The following SH3RF3 variants were observed in gnomAD, a reference collection of about 807,000 sequenced individuals.
The protein encoded by SH3RF3 is SH3 domain containing ring finger 3.
A neutral mutation model predicts 66.3 loss-of-function variants in SH3RF3; 29 were observed. The observed-to-expected ratio is 0.44, with a 90% CI of 0.33 to 0.60. The LOEUF is 0.60. Among genes scored for constraint, SH3RF3 ranks in the 20% least tolerant of loss-of-function variants. The pLI is 0.04. For synonymous variants in SH3RF3, 583 were observed against 532.0 expected (o/e 1.10, Z -1.32); for missense variants, 1,194 against 1,190.9 (o/e 1.00, Z -0.04).
rs1677089240 is a variant in SH3RF3, at chr2:109,146,070, G to C, written c.573+15957G>C. ...GGCCGAGGGAGTCCATGCAGGAAAA[G>C]TGCTGAGAGAGGTACCAGCTGAACA... On this transcript the variant is annotated intron_variant, in intron 1 of 9. Transcript: ENST00000309415. Among the ~76,000 whole-genome samples, 4 of 152,302 alleles carry C rather than the reference G, an allele frequency of 2.6e-5. No individual in the cohort carries two copies. The South Asian group carries it at 8.3e-4, about 32-fold the overall frequency.
At chr2:109,141,375 G>A (rs113835551) in intron 1 of SH3RF3, 1 of 152,662 alleles carries the variant, frequency 6.6e-6, no homozygotes, top group Non-Finnish European at 1.5e-5. Flanking sequence ...AACTTGCTCA[G>A]TGATGAGTGG....
At chr2:109,362,489 T>G (rs1404341913) in intron 2 of SH3RF3, among the ~76,000 whole-genome samples, 1 of 152,186 alleles carries the variant, frequency 6.6e-6, no homozygotes, top group Non-Finnish European at 1.5e-5. Context: ...CAGAATATGG[T>G]CTGTCCTGGT....
chr2:109,209,475 A>G (rs1678917245), intron 1 of SH3RF3, among the ~76,000 whole-genome samples: 1 of 152,168 alleles, frequency 6.6e-6, no homozygotes, highest in African/African-American at 2.4e-5. Context: ...GAGAGCTGCA[A>G]ACACTCCTGA....
At chr2:109,185,784 C>T (rs563241531) in intron 1 of SH3RF3, among the ~76,000 whole-genome samples, 3 of 152,324 alleles carry the variant, frequency 2.0e-5, no homozygotes, top group African/African-American at 4.8e-5. Context: ...TAACTTGGCA[C>T]ACTAATACTT....
chr2:109,477,639 T>G (rs1573284948), intron 8 of SH3RF3, among the ~76,000 whole-genome samples: 1 of 150,942 alleles, frequency 6.6e-6, no homozygotes, highest in East Asian at 1.9e-4. Flanking sequence ...TGTGTGTGTG[T>G]GTGTTGGTGA....
intron 1 of SH3RF3, among the ~76,000 whole-genome samples, chr2:109,230,185 T>A (rs1679472033): frequency 6.6e-6 from 1 of 152,192 alleles, no homozygotes; most frequent in African/African-American, 2.4e-5. Context: ...TATATATTGT[T>A]TATCCATTCA....
intron 1 of SH3RF3, among the ~76,000 whole-genome samples, chr2:109,241,300 C>T (rs1474067512): frequency 6.6e-6 from 1 of 151,894 alleles, no homozygotes; most frequent in East Asian, 1.9e-4. Context: ...TAGTAATGGC[C>T]ATTATAAAAG....
At position 109,419,589 on chromosome 2, in the gene SH3RF3, C is replaced by T. The variant is rs554845970; in HGVS notation, c.1350C>T (p.Ala450=). 3.1e-6 allele frequency: 5 copies of T among 1,597,882 alleles called. No homozygotes were observed. Among genetic ancestry groups the T allele is most frequent in the Admixed American group, 1.7e-5 (1 of 57,864 alleles). ...GSTPTAVPRA[A]SVSGEQGTPP... is the part of the protein sequence containing the mutation. ...CCCCCACGGCTGTCCCACGGGCTGC[C>T]TCGGTGTCTGGAGAGCAGGGCACGC... is the stretch of plus-strand genomic sequence containing the variant. Residue 450 remains alanine, a synonymous_variant, in exon 5 of 10, where the codon GCC becomes GCT. Coordinates refer to ENST00000309415, the MANE Select transcript of SH3RF3 (RefSeq NM_001099289.3).
At chr2:109,188,468 C>T (rs1285376537) in intron 1 of SH3RF3, among the ~76,000 whole-genome samples, 1 of 152,212 alleles carries the variant, frequency 6.6e-6, no homozygotes, top group Non-Finnish European at 1.5e-5. Flanking sequence ...CGCATTGTTT[C>T]CCCCTGGGGT....
intron 1 of SH3RF3, among the ~76,000 whole-genome samples, chr2:109,219,965 C>T (rs1337984176): frequency 6.6e-6 from 1 of 152,120 alleles, no homozygotes; most frequent in Non-Finnish European, 1.5e-5. Context: ...CCCCAAATAA[C>T]CAAAACAATC....
intron 1 of SH3RF3, among the ~76,000 whole-genome samples, chr2:109,322,175 G>T (rs1317639219): frequency 3.3e-5 from 5 of 152,148 alleles, no homozygotes; most frequent in Non-Finnish European, 7.4e-5. Context: ...GGATACACAG[G>T]AGACTCAGCG....
At chr2:109,375,758 A>G (rs1574606241) in intron 3 of SH3RF3, among the ~76,000 whole-genome samples, 1 of 152,340 alleles carries the variant, frequency 6.6e-6, no homozygotes, top group Non-Finnish European at 1.5e-5. Context: ...CTTTCTGCAC[A>G]GGGTCCAAGT....
chr2:109,422,926 A>C lies in SH3RF3; in HGVS notation c.1403+3284A>C, dbSNP rs562341359. Among the ~76,000 whole-genome samples, 37 of 152,070 alleles carry C rather than the reference A, an allele frequency of 2.4e-4. No homozygotes were observed. The South Asian group carries it at 7.7e-3, about 32-fold the overall frequency. On this transcript the variant is annotated intron_variant, in intron 5 of 9. Coordinates refer to ENST00000309415, the MANE Select transcript of SH3RF3 (RefSeq NM_001099289.3). The stretch of plus-strand genomic sequence containing the variant: ...CCTACAGCAATGGAGGAGGTGGAGG[A>C]GGAGGACGAAACAGGCATCAGACCG...
At chr2:109,409,845 G>A (rs1473904077) in intron 4 of SH3RF3, among the ~76,000 whole-genome samples, 3 of 152,094 alleles carry the variant, frequency 2.0e-5, no homozygotes, top group East Asian at 3.9e-4. Flanking sequence ...TTTACACCCC[G>A]TGTAATGGAG....
chr2:109,420,692 G>A (rs987720380), intron 5 of SH3RF3, among the ~76,000 whole-genome samples: 7 of 152,106 alleles, frequency 4.6e-5, no homozygotes, highest in South Asian at 2.1e-4. Context: ...TGATCCGCCC[G>A]CCTTGGCCTC....
intron 1 of SH3RF3, among the ~76,000 whole-genome samples, chr2:109,235,684 C>T (rs1333070097): frequency 6.6e-6 from 1 of 152,158 alleles, no homozygotes; most frequent in African/African-American, 2.4e-5. Flanking sequence ...TACGTGTCTA[C>T]CAACATAAAG....
chr2:109,398,456 G>GT, intron 3 of SH3RF3, 134 bp from the exon 4 acceptor site: 1 of 841,344 alleles, frequency 1.2e-6, no homozygotes, highest in Non-Finnish European at 1.8e-6. Flanking sequence ...CCTCTTCTGT[G>GT]TTTTCCCTGC....
intron 1 of SH3RF3, among the ~76,000 whole-genome samples, chr2:109,325,331 CTTTTTTTTTTTTTT>C (rs11298946): frequency 3.5e-4 from 23 of 66,274 alleles, no homozygotes; most frequent in Non-Finnish European, 4.8e-4. Flanking sequence ...TTCTTTCTTT[CTTTTTTTTTTTTTT>C]TTTTTTTTTT....
chr2:109,429,769 A>G (rs1483205935), intron 5 of SH3RF3, among the ~76,000 whole-genome samples: 1 of 152,216 alleles, frequency 6.6e-6, no homozygotes, highest in Non-Finnish European at 1.5e-5. Flanking sequence ...AACATGTGCA[A>G]GAAGGCCACA....
Sources: allele counts gnomAD v4.1 joint callset (sites outside exome capture counted in the v4.1 genomes callset), GRCh38; gene constraint gnomAD v4.1.1; transcripts MANE v1.5; gene names NCBI Gene and HGNC (gene_info 2026-07-23, HGNC 2026-07-21).